The following SLC17A1 variants were observed in gnomAD, a reference collection of about 807,000 sequenced individuals.
SLC17A1 encodes the protein solute carrier family 17 member 1.
SLC17A1 carries 51 observed loss-of-function variants against 53.5 expected under a neutral mutation model. The ratio of observed to expected loss-of-function variants is 0.95; its 90% CI spans 0.76 to 1.20. SLC17A1 has a LOEUF of 1.20. Among genes scored for constraint, SLC17A1 ranks in the 50% most tolerant of loss-of-function variants. The pLI, the probability that SLC17A1 is intolerant of heterozygous loss-of-function variation, is 0.00. For synonymous variants in SLC17A1, 179 were observed against 198.8 expected (o/e 0.90, Z 0.84); for missense variants, 538 against 568.2 (o/e 0.95, Z 0.54).
intron 12 of SLC17A1, among the ~76,000 whole-genome samples, chr6:25,798,242 C>T (rs997382830): frequency 1.3e-5 from 2 of 152,186 alleles, no homozygotes; most frequent in African/African-American, 4.8e-5. Context: ...CATTTCTCCT[C>T]CAATTCATTT....
chr6:25,792,690 A>G (rs995042999), intron 12 of SLC17A1, among the ~76,000 whole-genome samples: 7 of 152,102 alleles, frequency 4.6e-5, no homozygotes, highest in African/African-American at 1.4e-4. Flanking sequence ...AAGCTTTCCA[A>G]TCTCGTAATA....
At position 25,819,091 on chromosome 6, in the gene SLC17A1, C is replaced by CA; in HGVS notation, c.592dup (p.Trp198LeufsTer25). ...ACCAAAAATATAGAAGACCATGGGC[C>CA]AGCCCAGAGATTCACAGATAACTCC... On this transcript the variant is annotated frameshift_variant, in exon 6 of 13. Transcript: ENST00000244527. LOFTEE classifies it high-confidence loss of function. The CA allele has an allele frequency of 6.2e-7, 1 of 1,607,050 alleles. No individual in the cohort carries two copies. The highest frequency in any genetic ancestry group is 8.5e-7 in the Non-Finnish European group (1 of 1,177,676).
chr6:25,744,410 A>C, the SLC17A1 span, among the ~76,000 whole-genome samples: 2 of 152,206 alleles, frequency 1.3e-5, no homozygotes, highest in East Asian at 3.8e-4. Flanking sequence ...CTCTATAAGC[A>C]GTCACAGAGC....
chr6:25,748,483 T>C, the SLC17A1 span, among the ~76,000 whole-genome samples: 1 of 148,936 alleles, frequency 6.7e-6, no homozygotes, highest in African/African-American at 2.5e-5. Flanking sequence ...ATGGGAGGAG[T>C]GAAGGGATGG....
At chr6:25,748,566 G>A in the SLC17A1 span, among the ~76,000 whole-genome samples, 11 of 152,272 alleles carry the variant, frequency 7.2e-5, no homozygotes, top group African/African-American at 2.6e-4. Flanking sequence ...AAGACACACA[G>A]ACAAAGTATA....
chr6:25,731,320 C>A, the SLC17A1 span, among the ~76,000 whole-genome samples: 2 of 152,186 alleles, frequency 1.3e-5, no homozygotes, highest in Admixed American at 1.3e-4. Flanking sequence ...GCTGGTCCAC[C>A]CGGACTTGGA....
At position 25,811,756 on chromosome 6, in the gene SLC17A1, A is replaced by G. The variant is rs1764166431; in HGVS notation, c.912T>C (p.Ser304=). Reference sequence around the variant, plus strand: ...TCCAGGCAAACAAATAGGGAAGGGAAGACAAGAACCCATTCTGAAGAGGAA... The same window carrying G: ...TCCAGGCAAACAAATAGGGAAGGGAGGACAAGAACCCATTCTGAAGAGGAA... ...HVNIKENGFL[S]SLPYLFAWIC... is the part of the protein sequence containing the mutation. The change falls in exon 9 of 13, where the codon TCT becomes TCC. Residue 304 remains serine, a synonymous_variant. Transcript: ENST00000244527. 2.5e-6 allele frequency: 4 copies of G among 1,613,636 alleles called. No homozygotes were observed. The highest frequency in any genetic ancestry group is 3.4e-6 in the Non-Finnish European group (4 of 1,179,722).
At chr6:25,800,744 C>A (rs760330094) in intron 11 of SLC17A1, 146 bp downstream of exon 11, 1 of 591,590 alleles carries the variant, frequency 1.7e-6, no homozygotes, top group South Asian at 2.2e-5. Flanking sequence ...TGGAGAGATG[C>A]CTGATTTGAC....
chr6:25,752,861 A>G, the SLC17A1 span, among the ~76,000 whole-genome samples: 1 of 151,978 alleles, frequency 6.6e-6, no homozygotes, highest in African/African-American at 2.4e-5. Flanking sequence ...CTGAGGCAGG[A>G]GAATGGCGTG....
the SLC17A1 span, among the ~76,000 whole-genome samples, chr6:25,765,804 T>A: frequency 6.6e-6 from 1 of 152,012 alleles, no homozygotes; most frequent in Admixed American, 6.5e-5. Flanking sequence ...AGAAATTACA[T>A]AGAAAAATGA....
chr6:25,742,843 C>A, the SLC17A1 span, among the ~76,000 whole-genome samples: 1 of 152,110 alleles, frequency 6.6e-6, no homozygotes. Flanking sequence ...ACATTTTGTG[C>A]GGAATTTAGT....
chr6:25,785,696 AC>A (rs1359761722), intron 12 of SLC17A1, among the ~76,000 whole-genome samples: 31 of 152,208 alleles, frequency 2.0e-4, no homozygotes, highest in African/African-American at 6.8e-4. Context: ...CTGTAAAAAA[AC>A]AGAAGAATAG....
At chr6:25,784,761 G>A (rs1001278400) in intron 12 of SLC17A1, among the ~76,000 whole-genome samples, 9 of 152,124 alleles carry the variant, frequency 5.9e-5, no homozygotes, top group African/African-American at 1.7e-4. Context: ...AACAGTTCAG[G>A]TTACATAAAA....
intron 12 of SLC17A1, among the ~76,000 whole-genome samples, chr6:25,784,742 C>A (rs147142373): frequency 6.6e-6 from 1 of 152,084 alleles, no homozygotes; most frequent in Admixed American, 6.5e-5. Context: ...TAGAGTCATA[C>A]GGCTCTGAAA....
chr6:25,806,979 C>T lies in SLC17A1; in HGVS notation c.1178+4419G>A, dbSNP rs114497994. On this transcript the variant is annotated intron_variant, in intron 10 of 12. Coordinates refer to ENST00000244527, the MANE Select transcript of SLC17A1 (RefSeq NM_005074.5). Reference sequence around the variant, plus strand: ...TGCAAATTAAAACCATAGTGAGATACTACCTTACTCCTGGAAGAATGGCCA... The same window carrying T: ...TGCAAATTAAAACCATAGTGAGATATTACCTTACTCCTGGAAGAATGGCCA... Among the ~76,000 whole-genome samples the T allele has an allele frequency of 8.7e-3, 1,318 of 152,148 alleles. 26 individuals carry two copies. The highest frequency in any genetic ancestry group is 0.066 in the East Asian group (342 of 5,178).
chr6:25,733,681 C>A, the SLC17A1 span, among the ~76,000 whole-genome samples: 2,040 of 151,924 alleles, frequency 0.013, 27 homozygotes, highest in Middle Eastern at 0.017. Flanking sequence ...AATGGACACA[C>A]TGAGATATAA....
At chr6:25,736,336 T>C in the SLC17A1 span, among the ~76,000 whole-genome samples, 41,277 of 151,890 alleles carry the variant, frequency 0.27, 6,819 homozygotes, top group East Asian at 0.7. Context: ...AATAAAAACC[T>C]CTCCCCCAAA....
At chr6:25,810,484 A>G (rs956787536) in intron 10 of SLC17A1, among the ~76,000 whole-genome samples, 9 of 152,140 alleles carry the variant, frequency 5.9e-5, no homozygotes, top group Non-Finnish European at 1.3e-4. Context: ...ATATACTATC[A>G]ACAGGTATAT....
At chr6:25,727,815 G>C in the SLC17A1 span, among the ~76,000 whole-genome samples, 1 of 151,724 alleles carries the variant, frequency 6.6e-6, no homozygotes, top group Non-Finnish European at 1.5e-5. Flanking sequence ...GTTAAGAGAC[G>C]GAGACCATCT....
Sources: allele counts gnomAD v4.1 joint callset (sites outside exome capture counted in the v4.1 genomes callset), GRCh38; gene constraint gnomAD v4.1.1; transcripts MANE v1.5; gene names NCBI Gene and HGNC (gene_info 2026-07-23, HGNC 2026-07-21).